The following DACH2 variants were observed in gnomAD, a reference collection of about 807,000 sequenced individuals.
DACH2 encodes the protein dachshund homolog 2.
Under a neutral mutation model 35.8 loss-of-function variants are expected in DACH2, and 17 were observed. The ratio of observed to expected loss-of-function variants is 0.48; its 90% CI spans 0.33 to 0.71. The LOEUF is 0.71. DACH2 is among the 30% of genes least tolerant of loss of function. The probability of loss-of-function intolerance (pLI) is 0.02; values close to 1 mark genes in which losing one functional copy is unlikely to be tolerated. For synonymous variants in DACH2, 195 were observed against 177.3 expected, an observed-to-expected ratio of 1.10 and a Z score of -0.79; for missense variants, 469 against 472.7, an observed-to-expected ratio of 0.99 and a Z score of 0.07.
At chrX:86,752,517 T>C (rs995756913) in intron 7 of DACH2, among the ~76,000 whole-genome samples, 9 of 112,090 alleles carry the variant, frequency 8.0e-5, no homozygotes, top group South Asian at 3.6e-4. Flanking sequence ...TCTATGATTT[T>C]AGTAATCACT....
chrX:86,535,500 T>C (rs2038785093), intron 3 of DACH2, among the ~76,000 whole-genome samples: 1 of 111,402 alleles, frequency 9.0e-6, no homozygotes, highest in African/African-American at 3.3e-5. Context: ...TATACTTTCT[T>C]CCCTTTGCAG....
chrX:86,343,262 C>T (rs2035442718), intron 1 of DACH2, among the ~76,000 whole-genome samples: 1 of 111,641 alleles, frequency 9.0e-6, no homozygotes, highest in African/African-American at 3.3e-5. Context: ...AAAGAGCCTG[C>T]TTCTGGTGGA....
intron 6 of DACH2, among the ~76,000 whole-genome samples, chrX:86,731,545 CT>C: frequency 8.9e-6 from 1 of 111,886 alleles, no homozygotes; most frequent in East Asian, 2.8e-4. Context: ...TTTGAGAATT[CT>C]CTATAAAAGT....
At chrX:86,365,964 A>C (rs909362489) in intron 1 of DACH2, among the ~76,000 whole-genome samples, 4 of 111,681 alleles carry the variant, frequency 3.6e-5, no homozygotes, top group Non-Finnish European at 7.5e-5. Context: ...AAAGATTAGC[A>C]AGTTATTTGA....
intron 2 of DACH2, among the ~76,000 whole-genome samples, chrX:86,398,848 G>T (rs1476393758): frequency 8.9e-6 from 1 of 111,867 alleles, no homozygotes; most frequent in Non-Finnish European, 1.9e-5. Context: ...GTGCTGAAAA[G>T]AATGTATATT....
intron 3 of DACH2, among the ~76,000 whole-genome samples, chrX:86,576,101 A>C (rs1347103556): frequency 8.9e-6 from 1 of 112,052 alleles, no homozygotes; most frequent in Middle Eastern, 4.2e-3. Flanking sequence ...TTTTGGTCCA[A>C]GCACTATGAT....
intron 7 of DACH2, among the ~76,000 whole-genome samples, chrX:86,743,040 A>G (rs1423557306): frequency 8.9e-6 from 1 of 111,746 alleles, no homozygotes; most frequent in Non-Finnish European, 1.9e-5. Flanking sequence ...AACTATGTTT[A>G]AATGATTCAC....
chrX:86,668,346 G>T (rs1288424755), intron 4 of DACH2, among the ~76,000 whole-genome samples: 1 of 111,966 alleles, frequency 8.9e-6, no homozygotes, highest in East Asian at 2.8e-4. Context: ...CAAAATGCAA[G>T]TAGCACAGCC....
intron 2 of DACH2, among the ~76,000 whole-genome samples, chrX:86,390,274 C>G (rs1288805369): frequency 8.9e-6 from 1 of 111,984 alleles, no homozygotes; most frequent in East Asian, 2.8e-4. Flanking sequence ...GTCACTTAAC[C>G]TTTCAAAGAA....
intron 1 of DACH2, among the ~76,000 whole-genome samples, chrX:86,295,566 G>A (rs1420975014): frequency 9.0e-6 from 1 of 111,497 alleles, no homozygotes; most frequent in African/African-American, 3.3e-5. Context: ...AGCCCATGGT[G>A]GTGAGGCTTG....
At chrX:86,815,209 G>T (rs1721869579) in intron 10 of DACH2, among the ~76,000 whole-genome samples, 1 of 111,621 alleles carries the variant, frequency 9.0e-6, no homozygotes, top group African/African-American at 3.3e-5. Flanking sequence ...GCTATACAAT[G>T]CTTGTTCCTT....
At chrX:86,556,094 T>A (rs957449907) in intron 3 of DACH2, among the ~76,000 whole-genome samples, 1 of 111,647 alleles carries the variant, frequency 9.0e-6, no homozygotes, top group Admixed American at 9.6e-5. Flanking sequence ...TAATGACATG[T>A]TTTCTGTATG....
intron 4 of DACH2, among the ~76,000 whole-genome samples, chrX:86,670,462 A>G (rs1392754591): frequency 1.8e-5 from 2 of 112,059 alleles, no homozygotes; most frequent in Non-Finnish European, 3.8e-5. Context: ...ATAAATAAAT[A>G]GAAATTTTAT....
chrX:86,401,381 C>T (rs2036426410), intron 2 of DACH2, among the ~76,000 whole-genome samples: 1 of 112,105 alleles, frequency 8.9e-6, no homozygotes, highest in Non-Finnish European at 1.9e-5. Flanking sequence ...ACTGCACCCA[C>T]TGTCCTGCAC....
chrX:86,299,079 A>G lies in DACH2; in HGVS notation c.489-77745A>G, dbSNP rs762605438. On this transcript the variant is annotated intron_variant, in intron 1 of 11. Coordinates refer to ENST00000373125, the MANE Select transcript of DACH2 (RefSeq NM_053281.3). ...AGATTCTGGGATATATTGAGTTTAGAAAGTTTCTTTTTACTCTGTCAACAT... is the reference window on the plus strand; with the variant it reads ...AGATTCTGGGATATATTGAGTTTAGGAAGTTTCTTTTTACTCTGTCAACAT... Among the ~76,000 whole-genome samples, 6 of 112,082 alleles carry G rather than the reference A, an allele frequency of 5.4e-5. No homozygotes were observed. The South Asian group carries it at 1.8e-3, about 34-fold the overall frequency.
intron 1 of DACH2, among the ~76,000 whole-genome samples, chrX:86,259,974 G>A (rs1449658951): frequency 9.0e-6 from 1 of 110,562 alleles, no homozygotes; most frequent in Non-Finnish European, 1.9e-5. Flanking sequence ...AGAAATATCA[G>A]TATCTCTGAA....
At chrX:86,340,391 C>T (rs368670617) in intron 1 of DACH2, among the ~76,000 whole-genome samples, 3 of 111,275 alleles carry the variant, frequency 2.7e-5, no homozygotes, top group East Asian at 2.8e-4. Flanking sequence ...GTAATTATTT[C>T]GGAACACCAC....
intron 1 of DACH2, among the ~76,000 whole-genome samples, chrX:86,374,233 G>T (rs770171033): frequency 9.0e-6 from 1 of 111,213 alleles, no homozygotes; most frequent in Non-Finnish European, 1.9e-5. Flanking sequence ...CGTTAACTTT[G>T]TTGAGCTTCA....
Position 86,439,976 on chromosome X carries a change from G to A in DACH2, c.527+63114G>A, listed in dbSNP as rs187501361. Among the ~76,000 whole-genome samples the A allele has an allele frequency of 2.7e-5, 3 of 111,582 alleles. No individual in the cohort carries two copies. In the East Asian group the frequency reaches 8.5e-4, roughly 32 times the overall value. On this transcript the variant is annotated intron_variant, in intron 2 of 11. Transcript: ENST00000373125. ...TCTGTTTAATTCCATTGTGGTCTGA[G>A]AACAGACCTTGTATAATTTCCTTTC...
Sources: gnomAD v4.1 joint callset for allele counts (sites outside exome capture counted in the v4.1 genomes callset) on GRCh38, gnomAD v4.1.1 for gene constraint, MANE v1.5 for transcripts, NCBI Gene and HGNC (gene_info 2026-07-23, HGNC 2026-07-21) for gene names.